The following CDH22 variants were observed in gnomAD, a reference collection of about 807,000 sequenced individuals.
The protein encoded by CDH22 is cadherin-22.
CDH22 carries 30 observed loss-of-function variants against 58.4 expected under a neutral mutation model. The ratio of observed to expected loss-of-function variants is 0.51; its 90% CI spans 0.38 to 0.70. The LOEUF (loss-of-function observed/expected upper bound fraction) is 0.70. Ranked by LOEUF, CDH22 falls within the 30% of genes least tolerant of loss-of-function variation. CDH22 has a pLI of 0.00. For synonymous variants in CDH22, 513 were observed against 558.2 expected (o/e 0.92, Z 1.14); for missense variants, 1,014 against 1,233.9 (o/e 0.82, Z 2.67).
In CDH22 at chr20:46,241,335, T is replaced by G; in HGVS notation, c.256-78A>C. 7.9e-7 allele frequency: 1 copy of G among 1,258,680 alleles called. No individual in the cohort carries two copies. The highest frequency in any genetic ancestry group is 1.5e-5 in the South Asian group (1 of 66,278). The allele number at this position is 1,258,680 out of a possible 1,614,324, so 78.0% of individuals were successfully genotyped here. A position where few individuals can be genotyped will look rare whatever the true frequency, so the allele number is the denominator to read the frequency against. On this transcript the variant is annotated intron_variant, in intron 2 of 11. Coordinates refer to ENST00000537909, the MANE Select transcript of CDH22 (RefSeq NM_021248.3). This position sits in a 1 kb window ranked among gnomAD's most constrained non-coding sequence, Gnocchi z 5.2. ...GGCCTCACTGTCTCATGCCATTGGC[T>G]GCCTATTCCTAAGCCCATCTCTTCT...
chr20:46,277,628 T>G (rs1600724768), intron 1 of CDH22, among the ~76,000 whole-genome samples: 1 of 147,616 alleles, frequency 6.8e-6, no homozygotes, highest in Non-Finnish European at 1.5e-5. Context: ...GAGAGTGGGG[T>G]GGAGGAAATC....
At chr20:46,203,592 C>A (rs530140550) in intron 7 of CDH22, among the ~76,000 whole-genome samples, 23 of 152,332 alleles carry the variant, frequency 1.5e-4, no homozygotes, top group African/African-American at 5.1e-4. Context: ...AGATGATAAT[C>A]CTACTTTGTA....
intron 8 of CDH22, among the ~76,000 whole-genome samples, chr20:46,195,896 G>A (rs1057140156): frequency 3.0e-4 from 46 of 152,142 alleles, no homozygotes; most frequent in African/African-American, 1.1e-3. Context: ...ATTCTCCGAG[G>A]TGCTCACCAA....
chr20:46,282,294 G>C (rs2425854), intron 1 of CDH22, among the ~76,000 whole-genome samples: 90,361 of 151,940 alleles, frequency 0.59, 28,540 homozygotes, highest in East Asian at 0.74. Context: ...AGATTTGCCC[G>C]GGGGGTGGGA....
At chr20:46,180,176 T>C (rs1025073147) in intron 10 of CDH22, among the ~76,000 whole-genome samples, 1 of 152,208 alleles carries the variant, frequency 6.6e-6, no homozygotes, top group African/African-American at 2.4e-5. Context: ...TGAAGAGCAA[T>C]CCTTGAATGA....
chr20:46,245,070 A>G (rs1206346524), intron 2 of CDH22, among the ~76,000 whole-genome samples: 1 of 152,178 alleles, frequency 6.6e-6, no homozygotes, highest in East Asian at 1.9e-4. Flanking sequence ...AAGATAATAT[A>G]TGGAAGCTCC....
At chr20:46,211,481 C>A (rs532057903) in intron 6 of CDH22, among the ~76,000 whole-genome samples, 2 of 152,196 alleles carry the variant, frequency 1.3e-5, no homozygotes, top group African/African-American at 4.8e-5. Flanking sequence ...GGTGGCCTGG[C>A]CTAGGAGTGA....
At chr20:46,301,220 TAC>T (rs894818966) in intron 1 of CDH22, among the ~76,000 whole-genome samples, 36 of 151,548 alleles carry the variant, frequency 2.4e-4, no homozygotes, top group African/African-American at 3.2e-4. Flanking sequence ...CACACACACA[TAC>T]ACACACACAC....
intron 3 of CDH22, among the ~76,000 whole-genome samples, chr20:46,235,013 C>T (rs2086243570): frequency 6.6e-6 from 1 of 152,246 alleles, no homozygotes; most frequent in Non-Finnish European, 1.5e-5. Flanking sequence ...GGTGACTCAT[C>T]TTTGCAAGCC....
At chr20:46,181,186 T>C (rs1256654311) in intron 10 of CDH22, among the ~76,000 whole-genome samples, 2 of 152,202 alleles carry the variant, frequency 1.3e-5, no homozygotes, top group Non-Finnish European at 2.9e-5. Context: ...TCAGAGCTCA[T>C]ATTTTCATGT....
intron 10 of CDH22, among the ~76,000 whole-genome samples, chr20:46,181,119 T>C (rs143449198): frequency 1.2e-3 from 179 of 152,312 alleles, no homozygotes; most frequent in Middle Eastern, 3.4e-3. Flanking sequence ...CTAGGCACCA[T>C]GCTAGTCGCC....
intron 10 of CDH22, among the ~76,000 whole-genome samples, chr20:46,181,740 C>G (rs10211676): frequency 2.6e-5 from 1 of 38,708 alleles, no homozygotes; most frequent in African/African-American, 8.5e-5. Flanking sequence ...TCCTTCCTTC[C>G]TTCCTTCCTT....
chr20:46,222,525 G>A (rs1016350006), intron 4 of CDH22, among the ~76,000 whole-genome samples: 2 of 152,236 alleles, frequency 1.3e-5, no homozygotes, highest in Non-Finnish European at 2.9e-5. Flanking sequence ...ACAATTTTCA[G>A]CAGAGATCTT....
At chr20:46,233,660 G>A (rs1208489416) in intron 3 of CDH22, among the ~76,000 whole-genome samples, 1 of 152,154 alleles carries the variant, frequency 6.6e-6, no homozygotes, top group Non-Finnish European at 1.5e-5. Flanking sequence ...CATATTTGTT[G>A]GATGATTTGT....
At chr20:46,262,433 A>T (rs1427056794) in intron 1 of CDH22, among the ~76,000 whole-genome samples, 1 of 152,112 alleles carries the variant, frequency 6.6e-6, no homozygotes, top group Non-Finnish European at 1.5e-5. Flanking sequence ...TATGTCGAAC[A>T]TGCTGCCGCA....
At chr20:46,292,916 T>TTGTGTGTGTGTGTGTGTG (rs74176860) in intron 1 of CDH22, among the ~76,000 whole-genome samples, 28 of 143,922 alleles carry the variant, frequency 1.9e-4, no homozygotes, top group Admixed American at 1.5e-3. Context: ...CAGCCACTGG[T>TTGTGTGTGTGTGTGTGTG]TGTGTGTGTG....
intron 2 of CDH22, among the ~76,000 whole-genome samples, chr20:46,247,253 CA>C (rs1427618755): frequency 6.6e-6 from 1 of 152,144 alleles, no homozygotes; most frequent in Non-Finnish European, 1.5e-5. Flanking sequence ...AGGTTCTTGA[CA>C]AATGCTAACT....
At chr20:46,245,545 G>A (rs967723730) in intron 2 of CDH22, among the ~76,000 whole-genome samples, 3 of 152,210 alleles carry the variant, frequency 2.0e-5, no homozygotes, top group Non-Finnish European at 2.9e-5. Flanking sequence ...ATATGTGTGT[G>A]TGTGTGAGTG....
At chr20:46,198,805 C>CT (rs2085930461) in intron 8 of CDH22, among the ~76,000 whole-genome samples, 2 of 152,168 alleles carry the variant, frequency 1.3e-5, no homozygotes, top group African/African-American at 4.8e-5. Flanking sequence ...GTTCCCCCTG[C>CT]TTGGAATGCT....
Sources: gnomAD v4.1 joint callset for allele counts (sites outside exome capture counted in the v4.1 genomes callset) on GRCh38, gnomAD v4.1.1 for gene constraint, Gnocchi (gnomAD v3.1) non-coding constraint, MANE v1.5 for transcripts, NCBI Gene and HGNC (gene_info 2026-07-23, HGNC 2026-07-21) for gene names.